CDC42: variants seen among roughly 807,000 people sequenced by gnomAD.
The protein encoded by CDC42 is cell division control protein 42 homolog.
In CDC42, 1 loss-of-function variant was observed where a neutral mutation model predicts 20.8. The observed-to-expected ratio is 0.05, with a 90% confidence interval of 0.02 to 0.23. The LOEUF is 0.23. Among genes scored for constraint, CDC42 ranks in the 10% least tolerant of loss-of-function variants. The pLI is 1.00. For missense variants in CDC42, 49 were observed against 227.9 expected, an observed-to-expected ratio of 0.21 and a Z score of 5.05; for synonymous variants, 72 against 84.8, an observed-to-expected ratio of 0.85 and a Z score of 0.83.
At chr1:22,072,319 G>A (rs1234948878) in intron 1 of CDC42, among the ~76,000 whole-genome samples, 3 of 151,798 alleles carry the variant, frequency 2.0e-5, no homozygotes, top group Non-Finnish European at 4.4e-5. Context: ...GAATGGTCTC[G>A]ATCTCCTGAC....
chr1:22,066,191 G>A (rs1449551463), intron 1 of CDC42, among the ~76,000 whole-genome samples: 1 of 152,150 alleles, frequency 6.6e-6, no homozygotes, highest in African/African-American at 2.4e-5. Flanking sequence ...AAGCCTAGTT[G>A]TTCTCTCAGA....
intron 1 of CDC42, among the ~76,000 whole-genome samples, chr1:22,058,455 C>T (rs1269636717): frequency 6.6e-6 from 1 of 151,578 alleles, no homozygotes; most frequent in East Asian, 1.9e-4. Flanking sequence ...TCATGTCTGC[C>T]CATTATCAGG....
chr1:22,086,341 G>T lies in CDC42; in HGVS notation c.179-98G>T, dbSNP rs1288542573. On this transcript the variant is annotated intron_variant, in intron 3 of 5. Coordinates refer to ENST00000656825, the MANE Select transcript of CDC42 (RefSeq NM_001791.4). Reference sequence around the variant, plus strand: ...CAAAGCCATACATTTTATTAGATAAGTAAGTTGCTTTTTGAGTAATGACCA... The same window carrying T: ...CAAAGCCATACATTTTATTAGATAATTAAGTTGCTTTTTGAGTAATGACCA... 3 of 707,572 alleles carry T rather than the reference G, an allele frequency of 4.2e-6. No individual in the cohort carries two copies. In the African/African-American group the frequency reaches 5.3e-5, roughly 13 times the overall value. The allele number at this position is 707,572 out of a possible 1,614,324, so 43.8% of individuals were successfully genotyped here.
At chr1:22,076,891 A>G (rs1037880204) in intron 1 of CDC42, among the ~76,000 whole-genome samples, 2 of 152,144 alleles carry the variant, frequency 1.3e-5, no homozygotes, top group African/African-American at 2.4e-5. Context: ...ATGTAATCCC[A>G]GCACTCTGGG....
At position 22,097,780 on chromosome 1, in the gene CDC42, A is replaced by T. The variant is rs1405367791; in HGVS notation, c.*6263A>T. ...TTATAGAAAAATGTGAAGTATGTCT[A>T]ATAAAGGAGTACAGTGGAAGGTTTA... On this transcript the variant is annotated 3_prime_UTR_variant, in exon 6 of 6. Coordinates refer to ENST00000656825, the MANE Select transcript of CDC42 (RefSeq NM_001791.4). 6.6e-6 allele frequency among the ~76,000 whole-genome samples: 1 copy of T among 152,234 alleles called. No individual in the cohort carries two copies. Among genetic ancestry groups the T allele is most frequent in the East Asian group, 1.9e-4 (1 of 5,192 alleles).
At chr1:22,090,897 T>C (rs1645709230) in intron 5 of CDC42, 1 of 606,308 alleles carries the variant, frequency 1.6e-6, no homozygotes, top group Non-Finnish European at 2.1e-6. Flanking sequence ...TTGAATCTCC[T>C]TGACTCTGTC....
intron 1 of CDC42, among the ~76,000 whole-genome samples, chr1:22,073,318 CCT>C (rs1486447589): frequency 3.3e-5 from 5 of 152,070 alleles, no homozygotes; most frequent in Non-Finnish European, 7.4e-5. Flanking sequence ...GGGTGGATCA[CCT>C]GAGGTCAGGA....
chr1:22,080,627 T>C (rs1645597655), intron 2 of CDC42, among the ~76,000 whole-genome samples: 1 of 152,220 alleles, frequency 6.6e-6, no homozygotes, highest in African/African-American at 2.4e-5. Context: ...TGACAGATTA[T>C]AGTTGTATAT....
At chr1:22,090,390 G>C in intron 5 of CDC42, 1 of 1,006,554 alleles carries the variant, frequency 9.9e-7, no homozygotes, top group South Asian at 4.3e-5. Flanking sequence ...GATGGAGAAA[G>C]TAACACAAAC....
At chr1:22,091,190 T>A (rs1307903965) in intron 5 of CDC42, among the ~76,000 whole-genome samples, 1 of 152,222 alleles carries the variant, frequency 6.6e-6, no homozygotes, top group Admixed American at 6.5e-5. Context: ...TGCGCAAAGC[T>A]TTCTCAAAGG....
intron 1 of CDC42, among the ~76,000 whole-genome samples, chr1:22,057,439 C>G (rs1403510813): frequency 6.6e-6 from 1 of 152,224 alleles, no homozygotes; most frequent in African/African-American, 2.4e-5. Flanking sequence ...GGCTGGAGTG[C>G]AATGGCGCGA....
intron 2 of CDC42, chr1:22,078,996 A>T: frequency 1.1e-5 from 5 of 463,626 alleles, no homozygotes; most frequent in Middle Eastern, 8.7e-4. Context: ...ATGTGTCTCC[A>T]CTTTTCTTGT....
intron 1 of CDC42, among the ~76,000 whole-genome samples, chr1:22,066,123 C>A (rs186102284): frequency 6.6e-6 from 1 of 152,066 alleles, no homozygotes; most frequent in East Asian, 1.9e-4. Flanking sequence ...TTTTTCTTGC[C>A]CTTAATATAC....
rs115881320 is a variant in CDC42, at chr1:22,087,123, A to G, written c.486+257A>G. ...GTAGTGGTCAGGGTTGTGTTAAAAC[A>G]AAAACCTTACAGGAAAGGTTCAGAT... On this transcript the variant is annotated intron_variant, in intron 5 of 5. Transcript: ENST00000656825. Among the ~76,000 whole-genome samples the G allele has an allele frequency of 1.5e-3, 233 of 152,330 alleles. 1 individual carries two copies. Among genetic ancestry groups the G allele is most frequent in the Middle Eastern group, 6.8e-3 (2 of 292 alleles).
rs1422336957 is a variant in CDC42, at chr1:22,097,442, A to G, written c.*5925A>G. The stretch of plus-strand genomic sequence containing the variant: ...TTTTTAGTAGAGATGGGGTTTCACC[A>G]TGTTGGCCAGGCTGGTCTTGAACTC... On this transcript the variant is annotated 3_prime_UTR_variant, in exon 6 of 6. Coordinates refer to ENST00000656825, the MANE Select transcript of CDC42 (RefSeq NM_001791.4). Among the ~76,000 whole-genome samples, 1 of 152,140 alleles carries G rather than the reference A, an allele frequency of 6.6e-6. No individual in the cohort carries two copies. Among genetic ancestry groups the G allele is most frequent in the Non-Finnish European group, 1.5e-5 (1 of 68,024 alleles).
chr1:22,094,549 G>A lies in CDC42; in HGVS notation c.*3032G>A, dbSNP rs567021377. ...CCTGACCTCGTGATCCGCCCGCCTCGGCCTCCCAAAGTGCTGGGATTACAG... is the reference window on the plus strand; with the variant it reads ...CCTGACCTCGTGATCCGCCCGCCTCAGCCTCCCAAAGTGCTGGGATTACAG... On this transcript the variant is annotated 3_prime_UTR_variant, in exon 6 of 6. Coordinates refer to ENST00000656825, the MANE Select transcript of CDC42 (RefSeq NM_001791.4). Among the ~76,000 whole-genome samples, 3 of 148,224 alleles carry A rather than the reference G, an allele frequency of 2.0e-5. No homozygotes were observed. The highest frequency in any genetic ancestry group is 2.1e-4 in the South Asian group (1 of 4,776).
chr1:22,085,477 G>A (rs1263635519), intron 3 of CDC42, among the ~76,000 whole-genome samples: 1 of 152,082 alleles, frequency 6.6e-6, no homozygotes, highest in Non-Finnish European at 1.5e-5. Flanking sequence ...TTTTGATAGG[G>A]ATTGCATTGA....
intron 1 of CDC42, among the ~76,000 whole-genome samples, chr1:22,057,427 C>G (rs1015644408): frequency 2.5e-4 from 38 of 152,202 alleles, no homozygotes; most frequent in African/African-American, 8.9e-4. Context: ...TCTTGTTGCC[C>G]AGGCTGGAGT....
chr1:22,093,066 A>G lies in CDC42; in HGVS notation c.*1549A>G, dbSNP rs1308042498. The G allele has an allele frequency of 6.6e-6, 1 of 152,436 alleles. No homozygotes were observed. The highest frequency in any genetic ancestry group is 6.6e-5 in the Admixed American group (1 of 15,262). The allele number at this position is 152,436 out of a possible 1,614,324, so 9.4% of individuals were successfully genotyped here. On this transcript the variant is annotated 3_prime_UTR_variant, in exon 6 of 6. Coordinates refer to ENST00000656825, the MANE Select transcript of CDC42 (RefSeq NM_001791.4). ...CTTTGGGATAAAATTTTAAAGCTTT[A>G]TTATTTTTATTTTCTGGCATTTTAG...
Sources: allele counts gnomAD v4.1 joint callset (sites outside exome capture counted in the v4.1 genomes callset), GRCh38; gene constraint gnomAD v4.1.1; transcripts MANE v1.5; gene names NCBI Gene and HGNC (gene_info 2026-07-23, HGNC 2026-07-21).